The following CALD1 variants were observed in gnomAD, a reference collection of about 807,000 sequenced individuals.
CALD1 encodes caldesmon.
CALD1 carries 33 observed loss-of-function variants against 99.9 expected under a neutral mutation model. The observed-to-expected ratio is 0.33, with a 90% confidence interval of 0.25 to 0.44. The LOEUF is 0.44. CALD1 is among the 20% of genes least tolerant of loss of function. CALD1 has a pLI of 1.00. For synonymous variants in CALD1, 310 were observed against 325.0 expected (o/e 0.95, Z 0.50); for missense variants, 861 against 962.1 (o/e 0.89, Z 1.39).
the CALD1 span, among the ~76,000 whole-genome samples, chr7:134,712,809 C>T: frequency 1.5e-3 from 234 of 152,190 alleles, 3 homozygotes; most frequent in African/African-American, 5.3e-3. Context: ...CAGTCTAAGA[C>T]GGAATCAGGC....
chr7:134,824,049 G>A (rs114400346), intron 1 of CALD1, among the ~76,000 whole-genome samples: 2 of 152,172 alleles, frequency 1.3e-5, no homozygotes, highest in South Asian at 2.1e-4. Flanking sequence ...AGAAGATTAG[G>A]AGTGCCATTA....
intron 1 of CALD1, among the ~76,000 whole-genome samples, chr7:134,768,488 T>C (rs1317121368): frequency 6.6e-6 from 1 of 152,198 alleles, no homozygotes; most frequent in African/African-American, 2.4e-5. Context: ...GTGACTAAGC[T>C]GAGGACCTCA....
intron 2 of CALD1, among the ~76,000 whole-genome samples, chr7:134,864,438 G>A (rs557299384): frequency 3.4e-5 from 5 of 145,344 alleles, no homozygotes; most frequent in East Asian, 2.0e-4. Context: ...TCGCTCTGTC[G>A]CTCAGACTGG....
chr7:134,810,839 T>G (rs976962220), intron 1 of CALD1, among the ~76,000 whole-genome samples: 2 of 152,200 alleles, frequency 1.3e-5, no homozygotes, highest in African/African-American at 4.8e-5. Context: ...TCCTGGGCCA[T>G]GGAGGAATGG....
intron 2 of CALD1, among the ~76,000 whole-genome samples, chr7:134,857,158 CTTTTTTTTTTTTTTTT>C (rs59210460): frequency 0.2 from 15,500 of 76,876 alleles, 1,069 homozygotes; most frequent in South Asian, 0.32. Flanking sequence ...TTGCGCTATT[CTTTTTTTTTTTTTTTT>C]TTTTTTTTTT....
rs766492670 is a variant in CALD1 at position 134,968,376 on chromosome 7, C to T, written c.*31C>T. On this transcript the variant is annotated 3_prime_UTR_variant, in exon 15 of 15. Transcript: ENST00000361675. ...TTCCAGAAAGAACCCAAGCTCAAGACGCAGGACGAGCTCAGTTGTAGAGGG... is the reference window on the plus strand; with the variant it reads ...TTCCAGAAAGAACCCAAGCTCAAGATGCAGGACGAGCTCAGTTGTAGAGGG... 1.6e-5 allele frequency: 25 copies of T among 1,608,756 alleles called. No homozygotes were observed. Among genetic ancestry groups the T allele is most frequent in the Admixed American group, 1.0e-4 (6 of 59,974 alleles).
chr7:134,724,363 A>G, the CALD1 span, among the ~76,000 whole-genome samples: 1 of 152,196 alleles, frequency 6.6e-6, no homozygotes, highest in Admixed American at 6.5e-5. Context: ...TAGGTTTAAT[A>G]TTCAGGGGAA....
rs140265715 is a variant in CALD1, at chr7:134,773,354, G to A, written c.-130+28991G>A. 8.5e-3 allele frequency among the ~76,000 whole-genome samples: 1,291 copies of A among 151,086 alleles called. 18 individuals are homozygous for A. The highest frequency in any genetic ancestry group is 0.029 in the African/African-American group (1,182 of 41,136). On this transcript the variant is annotated intron_variant, in intron 1 of 13. Coordinates refer to the CALD1 transcript ENST00000417172. Reference sequence around the variant, plus strand: ...CAGTGGCACAATCATGGCTCACTGCGGCCTCCACCTCCTGGGCTTAAGCTA... The same window carrying A: ...CAGTGGCACAATCATGGCTCACTGCAGCCTCCACCTCCTGGGCTTAAGCTA...
intron 1 of CALD1, among the ~76,000 whole-genome samples, chr7:134,810,123 A>T (rs1585998274): frequency 6.6e-6 from 1 of 152,238 alleles, no homozygotes; most frequent in African/African-American, 2.4e-5. Flanking sequence ...AAACTTAAGG[A>T]TCATAAATGC....
At chr7:134,713,954 G>A in the CALD1 span, among the ~76,000 whole-genome samples, 1 of 152,114 alleles carries the variant, frequency 6.6e-6, no homozygotes, top group African/African-American at 2.4e-5. Context: ...GGGGCCTGGT[G>A]GGAGGTGATG....
chr7:134,816,601 C>T (rs1026723068), intron 1 of CALD1, among the ~76,000 whole-genome samples: 4 of 152,168 alleles, frequency 2.6e-5, no homozygotes, highest in African/African-American at 9.7e-5. Flanking sequence ...GTATATGCAA[C>T]ATTAACTCAT....
intron 14 of CALD1, among the ~76,000 whole-genome samples, chr7:134,965,833 GC>G (rs66617059): frequency 0.74 from 93,049 of 125,584 alleles, 31,393 homozygotes; most frequent in East Asian, 0.91. Flanking sequence ...GGTTGCTATG[GC>G]CAAAAAAAAA....
intron 6 of CALD1, 68 bp downstream of exon 6, chr7:134,935,833 A>C (rs1038876688): frequency 3.5e-4 from 490 of 1,395,006 alleles, no homozygotes; most frequent in Non-Finnish European, 4.3e-4. Flanking sequence ...AAGATATCTC[A>C]GGTCTGATGA....
chr7:134,872,376 A>AAC (rs1464408625), intron 3 of CALD1, among the ~76,000 whole-genome samples: 1 of 132,260 alleles, frequency 7.6e-6, no homozygotes, highest in African/African-American at 3.1e-5. Context: ...AAAAAAAAAA[A>AAC]AAAAAACTTC....
chr7:134,873,040 C>T (rs371352351), intron 3 of CALD1, among the ~76,000 whole-genome samples: 20 of 151,878 alleles, frequency 1.3e-4, no homozygotes, highest in African/African-American at 4.3e-4. Flanking sequence ...AAAAAAAATT[C>T]GCTGGGCATA....
chr7:134,920,717 G>C, intron 3 of CALD1: 8 of 1,276,166 alleles, frequency 6.3e-6, no homozygotes, highest in Non-Finnish European at 8.2e-6. Flanking sequence ...CTGTCTACTG[G>C]CCAGTAAGTT....
chr7:134,775,981 T>C (rs1796915663), upstream of CALD1, among the ~76,000 whole-genome samples: 1 of 152,182 alleles, frequency 6.6e-6, no homozygotes, highest in Admixed American at 6.5e-5. Context: ...CTCTAGGTTT[T>C]TGCATCTTGA....
intron 1 of CALD1, among the ~76,000 whole-genome samples, chr7:134,788,195 C>T (rs141252239): frequency 1.2e-3 from 185 of 152,310 alleles, no homozygotes; most frequent in African/African-American, 4.1e-3. Context: ...CAAAACTCTT[C>T]CTAATTATTT....
chr7:134,920,807 G>A, intron 3 of CALD1: 1 of 631,722 alleles, frequency 1.6e-6, no homozygotes. Context: ...TGGAATTTTA[G>A]GTGCAGAGTT....
Sources: gnomAD v4.1 joint callset for allele counts (sites outside exome capture counted in the v4.1 genomes callset) on GRCh38, gnomAD v4.1.1 for gene constraint, MANE v1.5 for transcripts, NCBI Gene and HGNC (gene_info 2026-07-23, HGNC 2026-07-21) for gene names.